USF3: variants seen among roughly 807,000 people sequenced by gnomAD.
The protein encoded by USF3 is upstream transcription factor family member 3.
A neutral mutation model predicts 157.5 loss-of-function variants in USF3; 29 were observed. The ratio of observed to expected loss-of-function variants is 0.18; its 90% CI spans 0.14 to 0.25. The LOEUF (loss-of-function observed/expected upper bound fraction) is 0.25. Among genes scored for constraint, USF3 ranks in the 10% least tolerant of loss-of-function variants. The pLI, the probability that USF3 is intolerant of heterozygous loss-of-function variation, is 1.00. For missense variants in USF3, 2,381 were observed against 2,667.6 expected (o/e 0.89, Z 2.37); for synonymous variants, 893 against 941.4 (o/e 0.95, Z 0.94).
intron 1 of USF3, among the ~76,000 whole-genome samples, chr3:113,689,096 C>T (rs1044042270): frequency 2.6e-5 from 4 of 152,130 alleles, no homozygotes; most frequent in Non-Finnish European, 4.4e-5. Flanking sequence ...GTACCTTTCA[C>T]CTCACATCAA....
At chr3:113,676,087 A>C (rs1168754821) in intron 2 of USF3, among the ~76,000 whole-genome samples, 1 of 152,194 alleles carries the variant, frequency 6.6e-6, no homozygotes, top group Non-Finnish European at 1.5e-5. Context: ...AAACTTTCTC[A>C]CATCTGCCTG....
At chr3:113,666,567 CCTTTT>C (rs1559714882) in intron 5 of USF3, among the ~76,000 whole-genome samples, 1 of 129,986 alleles carries the variant, frequency 7.7e-6, no homozygotes, top group African/African-American at 2.8e-5. Context: ...CTTATTGTTT[CCTTTT>C]TTTTTTTTTT....
Position 113,669,185 on chromosome 3 carries a change from T to C in USF3, c.159+936A>G, listed in dbSNP as rs562624927. Among the ~76,000 whole-genome samples the C allele has an allele frequency of 1.3e-3, 199 of 152,114 alleles. 1 individual carries two copies. Among genetic ancestry groups the C allele is most frequent in the African/African-American group, 4.6e-3 (190 of 41,510 alleles). ...TGAATACCAATTTAACCAAAAGTGATAGAATTATAATGGAAGGACTGAAGA... is the reference window on the plus strand; with the variant it reads ...TGAATACCAATTTAACCAAAAGTGACAGAATTATAATGGAAGGACTGAAGA... On this transcript the variant is annotated intron_variant, in intron 5 of 6. Coordinates refer to ENST00000316407, the MANE Select transcript of USF3 (RefSeq NM_001009899.4).
rs1947262802 is a variant in USF3, at chr3:113,651,633, T to A, written c.*3311A>T. 6.6e-6 allele frequency: 1 copy of A among 152,250 alleles called. No homozygotes were observed. Among genetic ancestry groups the A allele is most frequent in the African/African-American group, 2.4e-5 (1 of 41,472 alleles). The allele number at this position is 152,250 out of a possible 1,614,324, so 9.4% of individuals were successfully genotyped here. A position where few individuals can be genotyped will look rare whatever the true frequency, so the allele number is the denominator to read the frequency against. Reference sequence around the variant, plus strand: ...TCTTCCCAAAAATCACGTAGCTCTATCAAATACTTAATACTGCTAGTAAAT... The same window carrying A: ...TCTTCCCAAAAATCACGTAGCTCTAACAAATACTTAATACTGCTAGTAAAT... On this transcript the variant is annotated 3_prime_UTR_variant, in exon 7 of 7. Transcript: ENST00000316407.
In USF3 at chr3:113,651,047, ATTCCT is replaced by A. The variant is rs1451285519; in HGVS notation, c.*3892_*3896del. 6.6e-6 allele frequency: 1 copy of A among 152,202 alleles called. No homozygotes were observed. The highest frequency in any genetic ancestry group is 1.5e-5 in the Non-Finnish European group (1 of 68,034). 9.4% of individuals were successfully genotyped at this position (152,202 alleles called of 1,614,324 possible). On this transcript the variant is annotated 3_prime_UTR_variant, in exon 7 of 7. Transcript: ENST00000316407. ...AAAGAAAGAAACAACATCAAACTAG[ATTCCT>A]TTCATCTATGATTGACACATTAAAT...
Position 113,650,145 on chromosome 3 carries a change from G to T in USF3, c.*4799C>A. ...TATAGACAACAAAATTACAAAAATGGCTTCCAGGCTCCTAAAGATATCACT... is the reference window on the plus strand; with the variant it reads ...TATAGACAACAAAATTACAAAAATGTCTTCCAGGCTCCTAAAGATATCACT... On this transcript the variant is annotated 3_prime_UTR_variant, in exon 7 of 7. Coordinates refer to ENST00000316407, the MANE Select transcript of USF3 (RefSeq NM_001009899.4). 2.4e-6 allele frequency: 1 copy of T among 409,912 alleles called. No individual in the cohort carries two copies. Among genetic ancestry groups the T allele is most frequent in the Non-Finnish European group, 4.4e-6 (1 of 227,728 alleles). 25.4% of individuals were successfully genotyped at this position (409,912 alleles called of 1,614,324 possible). A position where few individuals can be genotyped will look rare whatever the true frequency, so the allele number is the denominator to read the frequency against.
At chr3:113,667,471 G>A (rs1947587636) in intron 5 of USF3, among the ~76,000 whole-genome samples, 1 of 152,206 alleles carries the variant, frequency 6.6e-6, no homozygotes, top group Admixed American at 6.5e-5. Context: ...TGTTTACTGA[G>A]TAGCTACCTA....
intron 5 of USF3, 59 bp from the exon 6 acceptor site, chr3:113,664,468 T>C (rs1947533586): frequency 1.1e-6 from 1 of 887,072 alleles, no homozygotes; most frequent in East Asian, 2.5e-5. Flanking sequence ...ACTTGCCAGA[T>C]GAAACTTTAA....
Position 113,692,900 on chromosome 3 carries a change from A to G in USF3, c.-135+3470T>C, listed in dbSNP as rs531208410. Among the ~76,000 whole-genome samples the G allele has an allele frequency of 7.9e-4, 121 of 152,356 alleles. No individual in the cohort carries two copies. The Middle Eastern group carries it at 0.01, about 13-fold the overall frequency. The stretch of plus-strand genomic sequence containing the variant: ...GAGTTCCACAAATATTTTATGAATA[A>G]TAAATGTATACCTTTACAGCACAGA... On this transcript the variant is annotated intron_variant, in intron 1 of 6. Transcript: ENST00000316407.
At chr3:113,668,583 T>C (rs1707064065) in intron 5 of USF3, among the ~76,000 whole-genome samples, 2 of 152,052 alleles carry the variant, frequency 1.3e-5, no homozygotes, top group Admixed American at 1.3e-4. Flanking sequence ...TTCAGTCAGC[T>C]TTTTAATGCC....
Position 113,660,594 on chromosome 3 carries a change from G to C in USF3, c.1088C>G (p.Ala363Gly). The C allele has an allele frequency of 6.2e-7, 1 of 1,614,184 alleles. No homozygotes were observed. The highest frequency in any genetic ancestry group is 8.5e-7 in the Non-Finnish European group (1 of 1,180,036). The change falls in exon 7 of 7, where the codon GCA becomes GGA. Residue 363 changes from alanine (A) to glycine (G), a missense_variant. By Grantham distance (60) the Ala-to-Gly change is moderately conservative. Transcript: ENST00000316407. ...DSSPMSISKS[A>G]DLTSTATVVA... The stretch of plus-strand genomic sequence containing the variant: ...CACTGTAGCTGTACTTGTCAAGTCT[G>C]CACTCTTACTAATGCTCATTGGAGA...
intron 1 of USF3, among the ~76,000 whole-genome samples, chr3:113,685,944 G>A (rs1707536632): frequency 6.6e-6 from 1 of 152,160 alleles, no homozygotes; most frequent in Non-Finnish European, 1.5e-5. Flanking sequence ...GGAGCTGCAA[G>A]CTGTGATGTC....
At position 113,657,833 on chromosome 3, in the gene USF3, G is replaced by A; in HGVS notation, c.3849C>T (p.Gly1283=). Residue 1283 remains glycine, a synonymous_variant, in exon 7 of 7, where the codon GGC becomes GGT. Transcript: ENST00000316407. The part of the protein sequence containing the change: ...VNLTVSSSSY[G]SQPPGPSLMT... ...TCAGAGATGGTCCAGGAGGTTGACTGCCATAGGAGCTAGATGAAACGGTCA... is the reference window on the plus strand; with the variant it reads ...TCAGAGATGGTCCAGGAGGTTGACTACCATAGGAGCTAGATGAAACGGTCA... 6.2e-7 allele frequency: 1 copy of A among 1,614,196 alleles called. No individual in the cohort carries two copies. Among genetic ancestry groups the A allele is most frequent in the South Asian group, 1.1e-5 (1 of 91,082 alleles).
chr3:113,661,616 C>T (rs571762423), intron 6 of USF3, among the ~76,000 whole-genome samples, 191 bp from the exon 7 acceptor site: 4 of 152,092 alleles, frequency 2.6e-5, no homozygotes, highest in Non-Finnish European at 5.9e-5. Context: ...TCCCTATGCC[C>T]TCCTTTAAAA....
chr3:113,684,992 G>C (rs972072045), intron 1 of USF3, among the ~76,000 whole-genome samples: 7 of 152,094 alleles, frequency 4.6e-5, no homozygotes, highest in Admixed American at 4.6e-4. Flanking sequence ...CATCCTTCTT[G>C]AGAAGGCTTT....
chr3:113,673,531 T>C (rs1707210673), intron 3 of USF3, among the ~76,000 whole-genome samples, 155 bp from the exon 4 acceptor site: 1 of 152,200 alleles, frequency 6.6e-6, no homozygotes, highest in South Asian at 2.1e-4. Flanking sequence ...TAATATATAT[T>C]ATGGTATGAA....
chr3:113,649,169 C>T lies in USF3; in HGVS notation c.*5775G>A, dbSNP rs888940685. On this transcript the variant is annotated 3_prime_UTR_variant, in exon 7 of 7. Transcript: ENST00000316407. ...AACTTTAAGTTCCTATGACATAGTACGGTGTTAGTATGGTGTATAGCTGTA... is the reference window on the plus strand; with the variant it reads ...AACTTTAAGTTCCTATGACATAGTATGGTGTTAGTATGGTGTATAGCTGTA... The T allele has an allele frequency of 3.9e-5, 6 of 152,052 alleles. No homozygotes were observed. The highest frequency in any genetic ancestry group is 7.4e-5 in the Non-Finnish European group (5 of 68,002). The allele number at this position is 152,052 out of a possible 1,614,324, so 9.4% of individuals were successfully genotyped here.
At chr3:113,685,010 T>C (rs1021861520) in intron 1 of USF3, among the ~76,000 whole-genome samples, 1 of 152,196 alleles carries the variant, frequency 6.6e-6, no homozygotes, top group Non-Finnish European at 1.5e-5. Context: ...TTTCTAAGTA[T>C]TCAACAAGAA....
rs1947413057 is a variant in USF3, at chr3:113,658,561, A to T, written c.3121T>A (p.Ser1041Thr). 1 of 1,613,904 alleles carries T rather than the reference A, an allele frequency of 6.2e-7. No individual in the cohort carries two copies. The highest frequency in any genetic ancestry group is 1.3e-5 in the African/African-American group (1 of 74,900). ...TGTTTGGGATGTAAATTCACACTTG[A>T]ATCAACTATTTTAGGATTTTCTGAA... is the stretch of plus-strand genomic sequence containing the variant. ...FSSENPKIVD[S>T]SVNLHPKQEL... Residue 1041 changes from serine (S) to threonine (T), a missense_variant, in exon 7 of 7, where the codon TCA becomes ACA. Ser to Thr is a moderately conservative substitution (Grantham distance 58, BLOSUM62 1). Coordinates refer to ENST00000316407, the MANE Select transcript of USF3 (RefSeq NM_001009899.4).
Sources: allele counts gnomAD v4.1 joint callset (sites outside exome capture counted in the v4.1 genomes callset), GRCh38; gene constraint gnomAD v4.1.1; transcripts MANE v1.5; gene names NCBI Gene and HGNC (gene_info 2026-07-23, HGNC 2026-07-21).